The following KIAA1217 variants were observed in gnomAD, a reference collection of about 807,000 sequenced individuals.
KIAA1217 encodes sickle tail protein homolog.
Under a neutral mutation model 163.9 loss-of-function variants are expected in KIAA1217, and 88 were observed. The observed-to-expected ratio is 0.54, with a 90% confidence interval of 0.45 to 0.64. KIAA1217 has a LOEUF of 0.64. KIAA1217 is among the 30% of genes least tolerant of loss of function. KIAA1217 has a pLI of 0.00. For synonymous variants in KIAA1217, 903 were observed against 923.1 expected (o/e 0.98, Z 0.39); for missense variants, 2,372 against 2,475.0 (o/e 0.96, Z 0.88).
chr10:24,211,890 G>GA (rs910750384), intron 1 of KIAA1217, among the ~76,000 whole-genome samples: 5 of 151,170 alleles, frequency 3.3e-5, no homozygotes, highest in South Asian at 2.1e-4. Flanking sequence ...CCCATCTCTA[G>GA]AAAAAAAAAT....
intron 3 of KIAA1217, among the ~76,000 whole-genome samples, chr10:24,386,498 G>C (rs1016016333): frequency 4.6e-5 from 7 of 152,210 alleles, no homozygotes; most frequent in Non-Finnish European, 8.8e-5. Flanking sequence ...GGCAACAACT[G>C]TAAGACTAAT....
At chr10:24,484,241 ATTTTTTTT>A (rs59233394) in intron 6 of KIAA1217, among the ~76,000 whole-genome samples, 1,049 of 75,166 alleles carry the variant, frequency 0.014, 25 homozygotes, top group African/African-American at 0.048. Context: ...ATATATATAT[ATTTTTTTT>A]TTTTTTTTTT....
intron 2 of KIAA1217, among the ~76,000 whole-genome samples, chr10:24,200,497 G>A (rs988194303): frequency 6.6e-6 from 1 of 152,060 alleles, no homozygotes; most frequent in Non-Finnish European, 1.5e-5. Context: ...TATGCTTGCT[G>A]TCTTTGTGCA....
intron 2 of KIAA1217, among the ~76,000 whole-genome samples, chr10:24,108,672 A>G (rs1298461074): frequency 1.3e-5 from 2 of 152,198 alleles, no homozygotes; most frequent in Non-Finnish European, 1.5e-5. Context: ...AGAAGCAGCT[A>G]TTATTGTCAT....
chr10:23,932,139 C>A (rs760487692), intron 1 of KIAA1217, among the ~76,000 whole-genome samples: 1 of 152,040 alleles, frequency 6.6e-6, no homozygotes, highest in African/African-American at 2.4e-5. Flanking sequence ...AGCTGAGGGG[C>A]AAGTGAGTCC....
chr10:23,748,775 A>G (rs1161167055), intron 1 of KIAA1217, among the ~76,000 whole-genome samples: 1 of 152,076 alleles, frequency 6.6e-6, no homozygotes, highest in Non-Finnish European at 1.5e-5. Flanking sequence ...GTCTGGTTAT[A>G]AAACCCACTA....
At chr10:23,979,974 A>G (rs1378852948) in intron 1 of KIAA1217, among the ~76,000 whole-genome samples, 2 of 152,094 alleles carry the variant, frequency 1.3e-5, no homozygotes, top group African/African-American at 4.8e-5. Context: ...TTTTTCAAAA[A>G]GTATTTATCA....
rs535514934 is a variant in KIAA1217, at chr10:24,321,893, G to A, written c.355-58976G>A. Among the ~76,000 whole-genome samples the A allele has an allele frequency of 5.3e-5, 8 of 152,164 alleles. No individual in the cohort carries two copies. In the South Asian group the frequency reaches 6.2e-4, roughly 12 times the overall value. ...AATACTTAGTGCCACTGAACCGGAC[G>A]CTCAAAAATGGCTAGGTTGGTACAT... On this transcript the variant is annotated intron_variant, in intron 2 of 20. Transcript: ENST00000376454.
intron 1 of KIAA1217, among the ~76,000 whole-genome samples, chr10:23,874,523 A>G (rs1002029143): frequency 3.3e-5 from 5 of 152,020 alleles, no homozygotes; most frequent in Admixed American, 3.3e-4. Flanking sequence ...CCTATAAATT[A>G]CTATTATTTT....
chr10:23,778,188 C>A (rs187131980), intron 1 of KIAA1217, among the ~76,000 whole-genome samples: 1 of 152,266 alleles, frequency 6.6e-6, no homozygotes, highest in East Asian at 1.9e-4. Flanking sequence ...ATTCCCCCCC[C>A]TTCGGCCTCC....
intron 1 of KIAA1217, among the ~76,000 whole-genome samples, chr10:23,725,025 A>T (rs1838060627): frequency 6.6e-6 from 1 of 152,104 alleles, no homozygotes; most frequent in Non-Finnish European, 1.5e-5. Flanking sequence ...CCCTACACCC[A>T]AAACTTTATG....
chr10:23,778,382 G>A (rs1004031753), intron 1 of KIAA1217, among the ~76,000 whole-genome samples: 2 of 152,202 alleles, frequency 1.3e-5, no homozygotes, highest in African/African-American at 2.4e-5. Flanking sequence ...AGAGAAAAAT[G>A]TAATAGACAT....
intron 5 of KIAA1217, among the ~76,000 whole-genome samples, chr10:24,463,899 C>A (rs1196661103): frequency 5.3e-5 from 8 of 152,096 alleles, no homozygotes. Context: ...GGAAGAGGAA[C>A]GTAGTAATGG....
intron 1 of KIAA1217, among the ~76,000 whole-genome samples, chr10:23,794,883 A>C (rs1171405834): frequency 6.6e-6 from 1 of 152,240 alleles, no homozygotes; most frequent in East Asian, 1.9e-4. Flanking sequence ...TACCACTTGC[A>C]ACAGAGATGT....
intron 2 of KIAA1217, among the ~76,000 whole-genome samples, chr10:24,115,916 G>A (rs1007515610): frequency 6.6e-6 from 1 of 152,128 alleles, no homozygotes; most frequent in African/African-American, 2.4e-5. Context: ...TTTGCTGATG[G>A]TCTCAGTCCG....
At chr10:24,438,833 C>A (rs148591181) in intron 5 of KIAA1217, among the ~76,000 whole-genome samples, 78 of 152,314 alleles carry the variant, frequency 5.1e-4, no homozygotes, top group Middle Eastern at 3.4e-3. Flanking sequence ...GCAAACCTAA[C>A]ATACAAAAAG....
At chr10:23,835,555 T>C (rs1158900580) in intron 1 of KIAA1217, among the ~76,000 whole-genome samples, 4 of 152,170 alleles carry the variant, frequency 2.6e-5, no homozygotes, top group Admixed American at 1.3e-4. Flanking sequence ...AGTCTGGCTA[T>C]GTTGTTTTTA....
rs1589675149 is a variant in KIAA1217 at position 24,147,849 on chromosome 10, A to G, written c.-170-71777A>G. On this transcript the variant is annotated intron_variant, in intron 2 of 18. Coordinates refer to the KIAA1217 transcript ENST00000376462. ...CTCTGTCTCAAAAAAAAAAAAAAAA[A>G]AAAAAAAAAAAAAGAAAGAAAGAGA... Among the ~76,000 whole-genome samples the G allele has an allele frequency of 2.0e-5, 3 of 149,316 alleles. No individual in the cohort carries two copies. In the South Asian group the frequency reaches 6.3e-4, roughly 31 times the overall value.
chr10:24,466,487 G>A, intron 5 of KIAA1217: 4 of 983,690 alleles, frequency 4.1e-6, no homozygotes, highest in Non-Finnish European at 4.8e-6. Flanking sequence ...AATTTCCAAG[G>A]GGAGGAGAAA....
Sources: allele counts gnomAD v4.1 joint callset (sites outside exome capture counted in the v4.1 genomes callset), GRCh38; gene constraint gnomAD v4.1.1; transcripts MANE v1.5; gene names NCBI Gene and HGNC (gene_info 2026-07-23, HGNC 2026-07-21).